Variants in ACACA observed in about 807,000 individuals in gnomAD.
ACACA encodes the protein acetyl-CoA carboxylase 1.
A neutral mutation model predicts 296.1 loss-of-function variants in ACACA; 103 were observed. The observed-to-expected ratio is 0.35, with a 90% CI of 0.30 to 0.41. ACACA has a LOEUF of 0.41. Ranked by LOEUF, ACACA falls within the 10% of genes least tolerant of loss-of-function variation. The pLI, the probability that ACACA is intolerant of heterozygous loss-of-function variation, is 1.00. For missense variants in ACACA, 1,554 were observed against 2,989.7 expected (o/e 0.52, Z 11.20); for synonymous variants, 953 against 1,038.6 (o/e 0.92, Z 1.58).
intron 54 of ACACA, among the ~76,000 whole-genome samples, chr17:37,096,069 C>G (rs1483843058): frequency 6.6e-6 from 1 of 152,202 alleles, no homozygotes. Flanking sequence ...TTCCTTCCAT[C>G]TCTGATTGGA....
intron 29 of ACACA, chr17:37,221,478 C>A: frequency 2.0e-6 from 1 of 508,226 alleles, no homozygotes; most frequent in Non-Finnish European, 3.5e-6. Flanking sequence ...AAACTATTTC[C>A]TCAGTGACAT....
In ACACA at chr17:37,089,166, A is replaced by AAAGTG; in HGVS notation, c.6892-97_6892-93dup. ...GGATCTGGAGTGCTTGCTTACTCCA[A>AAAGTG]AAGTGTGCTCCGTGTCCACGATTCT... On this transcript the variant is annotated intron_variant, in intron 54 of 55. Coordinates refer to ENST00000616317, the MANE Select transcript of ACACA (RefSeq NM_198834.3). The AAAGTG allele has an allele frequency of 3.2e-6, 5 of 1,561,402 alleles. 1 individual carries two copies. In the South Asian group the frequency reaches 5.6e-5, roughly 17 times the overall value.
At chr17:37,303,789 C>T (rs1352652823) in intron 3 of ACACA, among the ~76,000 whole-genome samples, 2 of 152,222 alleles carry the variant, frequency 1.3e-5, no homozygotes, top group Admixed American at 6.5e-5. Flanking sequence ...ACCCAGGAGG[C>T]GGAGGTTGCA....
chr17:37,180,459 T>C (rs2077276746), intron 40 of ACACA, among the ~76,000 whole-genome samples: 1 of 152,224 alleles, frequency 6.6e-6, no homozygotes, highest in African/African-American at 2.4e-5. Flanking sequence ...ACTAGGAGAC[T>C]TGGAAAAATC....
intron 45 of ACACA, among the ~76,000 whole-genome samples, chr17:37,149,638 G>C (rs531163773): frequency 6.6e-6 from 1 of 152,232 alleles, no homozygotes; most frequent in African/African-American, 2.4e-5. Context: ...ACAGTGCCTA[G>C]AAAACAGTAA....
chr17:37,179,526 A>G (rs1048213939), intron 40 of ACACA, 120 bp from the exon 41 acceptor site: 1 of 1,090,360 alleles, frequency 9.2e-7, no homozygotes, highest in African/African-American at 1.6e-5. Flanking sequence ...CAGAGTGTAA[A>G]CATTAGACTA....
chr17:37,392,971 G>C (rs566382504), intron 1 of ACACA, among the ~76,000 whole-genome samples: 2 of 151,684 alleles, frequency 1.3e-5, no homozygotes, highest in African/African-American at 2.4e-5. Context: ...GGTGAAACCC[G>C]TCTCTACTAA....
intron 1 of ACACA, among the ~76,000 whole-genome samples, chr17:37,390,322 A>ATCTATATATC (rs1555672346): frequency 2.6e-5 from 1 of 38,086 alleles, no homozygotes; most frequent in African/African-American, 1.2e-4. Context: ...ATATATATAT[A>ATCTATATATC]TATATATATA....
chr17:37,377,119 C>T (rs1412017324), intron 1 of ACACA, among the ~76,000 whole-genome samples: 1 of 151,986 alleles, frequency 6.6e-6, no homozygotes, highest in African/African-American at 2.4e-5. Flanking sequence ...TCTGTGGAAA[C>T]CTATAGAGAT....
intron 10 of ACACA, among the ~76,000 whole-genome samples, chr17:37,266,495 A>G (rs2081783893): frequency 6.6e-6 from 1 of 151,758 alleles, no homozygotes; most frequent in Non-Finnish European, 1.5e-5. Flanking sequence ...ACTTAGAAGC[A>G]TCTTTCTAGC....
chr17:37,096,597 T>C (rs945537479), intron 54 of ACACA, among the ~76,000 whole-genome samples: 9 of 152,210 alleles, frequency 5.9e-5, no homozygotes, highest in African/African-American at 2.2e-4. Context: ...CTGTGCTCTG[T>C]GCCCTTTGCT....
chr17:37,254,489 G>A (rs2081136416), intron 14 of ACACA, among the ~76,000 whole-genome samples: 1 of 152,082 alleles, frequency 6.6e-6, no homozygotes, highest in Non-Finnish European at 1.5e-5. Context: ...TCTAGACTGA[G>A]TTAGTTGACT....
rs562900058 is a variant in ACACA at position 37,177,638 on chromosome 17, G to GACT, written c.5079+1619_5079+1621dup. Among the ~76,000 whole-genome samples the GACT allele has an allele frequency of 3.1e-3, 474 of 152,276 alleles. 3 individuals carry two copies. The highest frequency in any genetic ancestry group is 0.011 in the African/African-American group (439 of 41,556). ...CACAAGGGTGCCTTCCATTCCTGAA[G>GACT]ACTACACTGTTCAATGAATCAGAAT... On this transcript the variant is annotated intron_variant, in intron 41 of 55. Transcript: ENST00000616317.
intron 35 of ACACA, among the ~76,000 whole-genome samples, chr17:37,195,263 T>C (rs549182404): frequency 5.9e-5 from 9 of 152,284 alleles, no homozygotes; most frequent in African/African-American, 2.2e-4. Flanking sequence ...ATTTATTTAA[T>C]TATGTACATT....
intron 26 of ACACA, 29 bp from the exon 27 acceptor site, chr17:37,225,134 C>T (rs2079483586): frequency 1.5e-6 from 2 of 1,323,676 alleles, no homozygotes; most frequent in South Asian, 2.3e-5. Context: ...AGGAGGCACA[C>T]ATTCCTCGGA....
At chr17:37,173,155 T>C (rs2076939839) in intron 41 of ACACA, among the ~76,000 whole-genome samples, 1 of 152,190 alleles carries the variant, frequency 6.6e-6, no homozygotes, top group East Asian at 1.9e-4. Context: ...CCTGTGTTCA[T>C]GAGAAATGGC....
chr17:37,113,399 A>G lies in ACACA; in HGVS notation c.6275-134T>C. 1.2e-6 allele frequency: 1 copy of G among 852,772 alleles called. No homozygotes were observed. The highest frequency in any genetic ancestry group is 1.9e-6 in the Non-Finnish European group (1 of 518,142). 52.8% of individuals were successfully genotyped at this position (852,772 alleles called of 1,614,324 possible). A position where few individuals can be genotyped will look rare whatever the true frequency, so the allele number is the denominator to read the frequency against. On this transcript the variant is annotated intron_variant, in intron 50 of 55. Transcript: ENST00000616317. The surrounding 1 kb of genome is among the most constrained non-coding windows in gnomAD (Gnocchi z 4.0). The stretch of plus-strand genomic sequence containing the variant: ...CTCCTGTTTGGCCACCCTATAGACT[A>G]AAGGGAGTATCGACCTGTATCCCAT...
At chr17:37,339,198 G>A (rs2048276020) in intron 2 of ACACA, among the ~76,000 whole-genome samples, 1 of 152,224 alleles carries the variant, frequency 6.6e-6, no homozygotes, top group Non-Finnish European at 1.5e-5. Flanking sequence ...TCTTCACAAA[G>A]TAAGAAAGCA....
intron 23 of ACACA, among the ~76,000 whole-genome samples, chr17:37,241,187 C>T (rs1398537177): frequency 6.6e-6 from 1 of 151,206 alleles, no homozygotes; most frequent in African/African-American, 2.4e-5. Context: ...AGTGTGAGAC[C>T]CTGTCTCCAA....
Sources: allele counts gnomAD v4.1 joint callset (sites outside exome capture counted in the v4.1 genomes callset), GRCh38; gene constraint gnomAD v4.1.1; non-coding constraint Gnocchi (gnomAD v3.1); transcripts MANE v1.5; gene names NCBI Gene and HGNC (gene_info 2026-07-23, HGNC 2026-07-21).